Variants in GBA2 observed in about 807,000 individuals in gnomAD.
The protein encoded by GBA2 is non-lysosomal glucosylceramidase.
GBA2 carries 79 observed loss-of-function variants against 112.9 expected under a neutral mutation model. The observed-to-expected ratio is 0.70, with a 90% CI of 0.58 to 0.84. The LOEUF (loss-of-function observed/expected upper bound fraction) is 0.84, where lower values mean the gene tolerates loss of function less well. Ranked by LOEUF, GBA2 falls within the 40% of genes least tolerant of loss-of-function variation. GBA2 has a pLI of 0.00. For missense variants in GBA2, 1,043 were observed against 1,190.0 expected, an observed-to-expected ratio of 0.88 and a Z score of 1.82; for synonymous variants, 403 against 434.3, an observed-to-expected ratio of 0.93 and a Z score of 0.90.
In GBA2 at chr9:35,746,830, T is replaced by G. The variant is rs1429916762; in HGVS notation, c.359+1516A>C. Among the ~76,000 whole-genome samples the G allele has an allele frequency of 6.6e-6, 1 of 152,108 alleles. No homozygotes were observed. Among genetic ancestry groups the G allele is most frequent in the African/African-American group, 2.4e-5 (1 of 41,408 alleles). On this transcript the variant is annotated intron_variant, in intron 1 of 16. Transcript: ENST00000378103. This position sits in a 1 kb window ranked among gnomAD's most constrained non-coding sequence, Gnocchi z 5.2. ...AGACAGAACAAAGGACTATCTGGCA[T>G]GGAACAAGCACTCAATAAATATTTA...
rs1826648917 is a variant in GBA2, at chr9:35,741,165, C to T, written c.787-101G>A. ...GCACACAGAGGACCTGACTCAAATA[C>T]TCCCCAGTGTACTCTTCTTTTGTCC... On this transcript the variant is annotated intron_variant, in intron 4 of 16. Transcript: ENST00000378103. This position sits in a 1 kb window ranked among gnomAD's most constrained non-coding sequence, Gnocchi z 4.6. 1 of 1,252,016 alleles carries T rather than the reference C, an allele frequency of 8.0e-7. No homozygotes were observed. 77.6% of individuals were successfully genotyped at this position (1,252,016 alleles called of 1,614,324 possible). A position where few individuals can be genotyped will look rare whatever the true frequency, so the allele number is the denominator to read the frequency against.
chr9:35,748,566 T>A lies in GBA2; in HGVS notation c.139A>T (p.Ser47Cys). The stretch of plus-strand genomic sequence containing the variant: ...TTTGGGGGTCGGCTGTCTTCGGGAC[T>A]CTTACAGTCTGTAACCTGCACATCC... ...TKDVQVTDCK[S>C]PEDSRPPKET... Residue 47 changes from serine to cysteine, a missense_variant, in exon 1 of 17, where the codon AGT becomes TGT. By Grantham distance (112) the Ser-to-Cys change is moderately radical. Transcript: ENST00000378103. 1.2e-6 allele frequency: 2 copies of A among 1,614,148 alleles called. No homozygotes were observed. Among genetic ancestry groups the A allele is most frequent in the South Asian group, 2.2e-5 (2 of 91,072 alleles).
At chr9:35,745,700 G>A (rs1271929163) in intron 1 of GBA2, among the ~76,000 whole-genome samples, 4 of 152,210 alleles carry the variant, frequency 2.6e-5, no homozygotes, top group East Asian at 1.9e-4. Flanking sequence ...ATAGGCAAAC[G>A]ATTCTGTTTT....
chr9:35,744,789 C>G (rs1326749531), intron 1 of GBA2, 83 bp from the exon 2 acceptor site: 1 of 772,992 alleles, frequency 1.3e-6, no homozygotes, highest in Non-Finnish European at 2.4e-6. Flanking sequence ...TCTCTGTGAC[C>G]TCCCATTAAA....
rs759358934 is a variant in GBA2, at chr9:35,746,642, A to T, written c.359+1704T>A. The stretch of plus-strand genomic sequence containing the variant: ...GGGACAGCACATTCTAGGGGTGGAA[A>T]GAAGAGGGAAGACAAAGGATGGGAT... On this transcript the variant is annotated intron_variant, in intron 1 of 16. Coordinates refer to ENST00000378103, the MANE Select transcript of GBA2 (RefSeq NM_020944.3). This position sits in a 1 kb window ranked among gnomAD's most constrained non-coding sequence, Gnocchi z 5.2. 6.6e-6 allele frequency among the ~76,000 whole-genome samples: 1 copy of T among 152,144 alleles called. No individual in the cohort carries two copies. Among genetic ancestry groups the T allele is most frequent in the Non-Finnish European group, 1.5e-5 (1 of 68,018 alleles).
At chr9:35,739,290 G>C (rs775368633) in intron 10 of GBA2, 25 bp downstream of exon 10, 2 of 1,488,876 alleles carry the variant, frequency 1.3e-6, no homozygotes, top group South Asian at 2.3e-5. Context: ...CAAGAGGGCA[G>C]AAGCGGCACA....
Position 35,739,359 on chromosome 9 carries a change from A to G in GBA2, c.1643T>C (p.Ile548Thr). 1 of 1,613,850 alleles carries G rather than the reference A, an allele frequency of 6.2e-7. No individual in the cohort carries two copies. The highest frequency in any genetic ancestry group is 8.5e-7 in the Non-Finnish European group (1 of 1,179,732). Residue 548 changes from isoleucine to threonine, a missense_variant, in exon 10 of 17, where the codon ATC (isoleucine) becomes ACC (threonine). Transcript: ENST00000378103. The stretch of plus-strand genomic sequence containing the variant: ...GAGCTCAAGTTTGGGCCAGAGCATG[A>G]TGAGGGCAAAGGAAGCATAAAAGTG... ...DVHFYASFAL[I>T]MLWPKLELSL...
chr9:35,741,958 CA>C lies in GBA2; in HGVS notation c.568-69del, dbSNP rs1055537346. 1 of 1,007,652 alleles carries C rather than the reference CA, an allele frequency of 9.9e-7. No individual in the cohort carries two copies. Among genetic ancestry groups the C allele is most frequent in the African/African-American group, 1.6e-5 (1 of 63,402 alleles). 62.4% of individuals were successfully genotyped at this position (1,007,652 alleles called of 1,614,324 possible). On this transcript the variant is annotated intron_variant, in intron 3 of 16. Transcript: ENST00000378103. The surrounding 1 kb of genome is among the most constrained non-coding windows in gnomAD (Gnocchi z 4.6). The stretch of plus-strand genomic sequence containing the variant: ...CCACAGACTAAGTCTTCCCTCTCCT[CA>C]AATCAGCTCCTCCCCTTTCAGAGCC...
At position 35,740,653 on chromosome 9, in the gene GBA2, G is replaced by A; in HGVS notation, c.1027-25C>T. 1 of 1,579,576 alleles carries A rather than the reference G, an allele frequency of 6.3e-7. No homozygotes were observed. The highest frequency in any genetic ancestry group is 8.7e-7 in the Non-Finnish European group (1 of 1,148,864). On this transcript the variant is annotated intron_variant, in intron 5 of 16. Transcript: ENST00000378103. The surrounding 1 kb of genome is among the most constrained non-coding windows in gnomAD (Gnocchi z 4.7). ...CCTGTGAAGGGGTCAGGGACTGTGAGGGCAGGCTCCACGAGTACACTGGGT... is the reference window on the plus strand; with the variant it reads ...CCTGTGAAGGGGTCAGGGACTGTGAAGGCAGGCTCCACGAGTACACTGGGT...
Position 35,737,238 on chromosome 9 carries a change from C to CTGTT in GBA2, c.2711_2714dup (p.Gly906ThrfsTer48). On this transcript the variant is annotated frameshift_variant, in exon 17 of 17. Transcript: ENST00000378103. LOFTEE classifies it high-confidence loss of function. The surrounding 1 kb of genome is among the most constrained non-coding windows in gnomAD (Gnocchi z 4.1). ...TAGGCCCTGTCCTTAGTCCTGTGCC[C>CTGTT]TGTTTGACTTTTGGCCAGGAGGCCT... is the stretch of plus-strand genomic sequence containing the variant. 1 of 1,613,702 alleles carries CTGTT rather than the reference C, an allele frequency of 6.2e-7. No individual in the cohort carries two copies. Among genetic ancestry groups the CTGTT allele is most frequent in the South Asian group, 1.1e-5 (1 of 91,088 alleles).
chr9:35,745,073 A>G (rs1826905835), intron 1 of GBA2, among the ~76,000 whole-genome samples: 1 of 152,038 alleles, frequency 6.6e-6, no homozygotes, highest in South Asian at 2.1e-4. Flanking sequence ...CCTACCTCCA[A>G]AACAGGCATA....
Position 35,739,691 on chromosome 9 carries a change from C to T in GBA2, c.1519G>A (p.Gly507Ser). 1 of 1,614,136 alleles carries T rather than the reference C, an allele frequency of 6.2e-7. No individual in the cohort carries two copies. The highest frequency in any genetic ancestry group is 1.1e-5 in the South Asian group (1 of 91,084). ...GGGCGGAGGTGACACATGTTTCTGC[C>T]CAGCTCCTCTGGTAGGGAGTCCTCA... is the stretch of plus-strand genomic sequence containing the variant. Reference protein sequence around the residue: ...VLEDSLPEELGRNMCHLRPTL... With the variant: ...VLEDSLPEELSRNMCHLRPTL... The change falls in exon 9 of 17, where the codon GGC becomes AGC. Residue 507 changes from glycine (G) to serine (S), a missense_variant. Gly to Ser is a moderately conservative substitution (Grantham distance 56, BLOSUM62 0). Transcript: ENST00000378103.
chr9:35,740,451 C>G lies in GBA2; in HGVS notation c.1129+75G>C. The G allele has an allele frequency of 6.4e-7, 1 of 1,558,988 alleles. No individual in the cohort carries two copies. The highest frequency in any genetic ancestry group is 8.8e-7 in the Non-Finnish European group (1 of 1,134,570). On this transcript the variant is annotated intron_variant, in intron 6 of 16. Transcript: ENST00000378103. The surrounding 1 kb of genome is among the most constrained non-coding windows in gnomAD (Gnocchi z 4.7). ...ACATGGAAACAAGGCCTACTTATTA[C>G]CAGGCCTCCCACCCCTGGTCCCAAG...
In GBA2 at chr9:35,740,618, G is replaced by A. The variant is rs34353044; in HGVS notation, c.1037C>T (p.Thr346Met). The A allele has an allele frequency of 1.0e-3, 1,666 of 1,613,142 alleles. 13 individuals carry two copies. In the African/African-American group the frequency reaches 0.019, roughly 19 times the overall value. Residue 346 changes from threonine (T) to methionine (M), a missense_variant, in exon 6 of 17, where the codon ACG becomes ATG. By Grantham distance (81) the Thr-to-Met change is moderately conservative. Transcript: ENST00000378103. The surrounding 1 kb of genome is among the most constrained non-coding windows in gnomAD (Gnocchi z 4.7). ...GTCAAAGGCTGTGATGTGGGTTACC[G>A]TGGTAGCTGCCTGTGAAGGGGTCAG... ...AVAARVTAAT[T>M]VTHITAFDPD...
At position 35,737,004 on chromosome 9, in the gene GBA2, G is replaced by T; in HGVS notation, c.*165C>A. 9.4e-7 allele frequency: 1 copy of T among 1,060,552 alleles called. No individual in the cohort carries two copies. The highest frequency in any genetic ancestry group is 1.3e-6 in the Non-Finnish European group (1 of 749,214). 65.7% of individuals were successfully genotyped at this position (1,060,552 alleles called of 1,614,324 possible). On this transcript the variant is annotated 3_prime_UTR_variant, in exon 17 of 17. Coordinates refer to ENST00000378103, the MANE Select transcript of GBA2 (RefSeq NM_020944.3). The surrounding 1 kb of genome is among the most constrained non-coding windows in gnomAD (Gnocchi z 4.1). ...GAAATAAATAAGTGATTCTAATGCT[G>T]CCTAGGTCACCCTCAACCCCCATTT...
chr9:35,742,801 G>A (rs1826769463), intron 3 of GBA2, among the ~76,000 whole-genome samples: 1 of 152,210 alleles, frequency 6.6e-6, no homozygotes, highest in African/African-American at 2.4e-5. Context: ...CTCTTGGAGG[G>A]TAGGAGCTAT....
rs367589812 is a variant in GBA2 at position 35,739,344 on chromosome 9, T to C, written c.1658A>G (p.Lys553Arg). ...GTCATACTGTAGGCTGAGCTCAAGTTTGGGCCAGAGCATGATGAGGGCAAA... is the reference window on the plus strand; with the variant it reads ...GTCATACTGTAGGCTGAGCTCAAGTCTGGGCCAGAGCATGATGAGGGCAAA... ...ASFALIMLWP[K>R]LELSLQYDMA... Residue 553 changes from lysine to arginine, a missense_variant, in exon 10 of 17, where the codon AAA (lysine) becomes AGA (arginine). Transcript: ENST00000378103. 61 of 1,612,896 alleles carry C rather than the reference T, an allele frequency of 3.8e-5. No homozygotes were observed. The highest frequency in any genetic ancestry group is 1.6e-4 in the Middle Eastern group (1 of 6,076).
Position 35,739,376 on chromosome 9 carries a change from A to G in GBA2, c.1626T>C (p.Tyr542=), listed in dbSNP as rs1826487302. ...AGAGCATGATGAGGGCAAAGGAAGC[A>G]TAAAAGTGGACATCATATGTGTTGT... is the stretch of plus-strand genomic sequence containing the variant. The part of the protein sequence containing the change: ...RMYNTYDVHF[Y]ASFALIMLWP... Residue 542 remains tyrosine, a synonymous_variant, in exon 10 of 17, where the codon TAT becomes TAC. Coordinates refer to ENST00000378103, the MANE Select transcript of GBA2 (RefSeq NM_020944.3). 2 of 1,613,716 alleles carry G rather than the reference A, an allele frequency of 1.2e-6. No homozygotes were observed. Among genetic ancestry groups the G allele is most frequent in the South Asian group, 2.2e-5 (2 of 91,084 alleles).
Position 35,749,087 on chromosome 9 carries a change from C to G in GBA2, c.-383G>C, listed in dbSNP as rs1346976383. The G allele has an allele frequency of 4.6e-6, 1 of 215,180 alleles. No homozygotes were observed. Among genetic ancestry groups the G allele is most frequent in the Non-Finnish European group, 9.2e-6 (1 of 108,188 alleles). The allele number at this position is 215,180 out of a possible 1,614,324, so 13.3% of individuals were successfully genotyped here. A position where few individuals can be genotyped will look rare whatever the true frequency, so the allele number is the denominator to read the frequency against. ...AGGCACCGCCCCCGGGACCTCGGCCCGGCCCCTGGGCCACGGCACCGGGTC... is the reference window on the plus strand; with the variant it reads ...AGGCACCGCCCCCGGGACCTCGGCCGGGCCCCTGGGCCACGGCACCGGGTC... On this transcript the variant is annotated 5_prime_UTR_variant, in exon 1 of 17. Coordinates refer to ENST00000378103, the MANE Select transcript of GBA2 (RefSeq NM_020944.3). The surrounding 1 kb of genome is among the most constrained non-coding windows in gnomAD (Gnocchi z 4.4).
Sources: gnomAD v4.1 joint callset for allele counts (sites outside exome capture counted in the v4.1 genomes callset) on GRCh38, gnomAD v4.1.1 for gene constraint, Gnocchi (gnomAD v3.1) non-coding constraint, MANE v1.5 for transcripts, NCBI Gene and HGNC (gene_info 2026-07-23, HGNC 2026-07-21) for gene names.